Variants in PPP2R3A observed in about 807,000 individuals in gnomAD.
PPP2R3A encodes the protein protein phosphatase 2 regulatory subunit B''alpha.
A neutral mutation model predicts 106.9 loss-of-function variants in PPP2R3A; 80 were observed. The ratio of observed to expected loss-of-function variants is 0.75; its 90% CI spans 0.62 to 0.90. The LOEUF (loss-of-function observed/expected upper bound fraction) is 0.90. PPP2R3A is among the 40% of genes least tolerant of loss of function. The pLI, the probability that PPP2R3A is intolerant of heterozygous loss-of-function variation, is 0.00. For missense variants in PPP2R3A, 1,386 were observed against 1,350.4 expected, an observed-to-expected ratio of 1.03 and a Z score of -0.41; for synonymous variants, 483 against 468.3, an observed-to-expected ratio of 1.03 and a Z score of -0.41.
In PPP2R3A at chr3:135,989,692, C is replaced by T. The variant is rs141342692; in HGVS notation, c.-440-11367C>T. Among the ~76,000 whole-genome samples the T allele has an allele frequency of 9.7e-4, 147 of 152,214 alleles. 2 individuals are homozygous for T. The East Asian group carries it at 0.028, about 29-fold the overall frequency. On this transcript the variant is annotated intron_variant, in intron 1 of 13. Transcript: ENST00000264977. ...TTCTCATTTGCTTGTTGCTTGCTTCCTTTCTGTACCTTACTTACCATACAG... is the reference window on the plus strand; with the variant it reads ...TTCTCATTTGCTTGTTGCTTGCTTCTTTTCTGTACCTTACTTACCATACAG...
chr3:136,064,033 A>T (rs1311311384), intron 5 of PPP2R3A, among the ~76,000 whole-genome samples: 3 of 151,752 alleles, frequency 2.0e-5, no homozygotes, highest in Admixed American at 2.0e-4. Flanking sequence ...TCCAGCAACG[A>T]TAGACTGGAT....
At chr3:136,017,913 T>G (rs1934334621) in intron 2 of PPP2R3A, among the ~76,000 whole-genome samples, 1 of 152,226 alleles carries the variant, frequency 6.6e-6, no homozygotes, top group Admixed American at 6.5e-5. Flanking sequence ...TGCTATCATC[T>G]CAGTCTCCAT....
At chr3:136,054,253 C>CTTTT (rs35801926) in intron 5 of PPP2R3A, among the ~76,000 whole-genome samples, 93 of 80,700 alleles carry the variant, frequency 1.2e-3, no homozygotes, top group African/African-American at 1.5e-3. Flanking sequence ...CTTCACAATT[C>CTTTT]TTTTTTTTTT....
At chr3:136,069,942 G>T (rs947794157) in intron 5 of PPP2R3A, among the ~76,000 whole-genome samples, 1 of 152,180 alleles carries the variant, frequency 6.6e-6, no homozygotes, top group African/African-American at 2.4e-5. Flanking sequence ...TGTGAGAAAT[G>T]ATTTATCCAC....
chr3:135,971,589 A>C (rs555097391), intron 1 of PPP2R3A, among the ~76,000 whole-genome samples: 1 of 152,190 alleles, frequency 6.6e-6, no homozygotes, highest in Non-Finnish European at 1.5e-5. Flanking sequence ...TACTCTTGAA[A>C]ACAGGAATAT....
Position 136,102,019 on chromosome 3 carries a change from G to T in PPP2R3A, c.2940G>T (p.Trp980Cys). ...DKRNPTSIEY[W>C]FRCMDVDGDG... ...CCTTATCATCTAGCATTGAGTATTG[G>T]TTCCGCTGCATGGATGTGGATGGAG... is the stretch of plus-strand genomic sequence containing the variant. The change falls in exon 11 of 14, where the codon TGG (tryptophan) becomes TGT (cysteine). Residue 980 changes from tryptophan (W) to cysteine (C), a missense_variant. Trp to Cys is a radical substitution (Grantham distance 215, BLOSUM62 -2). Transcript: ENST00000264977. The T allele has an allele frequency of 6.2e-7, 1 of 1,613,660 alleles. No homozygotes were observed. The highest frequency in any genetic ancestry group is 1.3e-5 in the African/African-American group (1 of 75,014).
chr3:136,126,170 G>A (rs1274756072), intron 13 of PPP2R3A, among the ~76,000 whole-genome samples: 1 of 152,084 alleles, frequency 6.6e-6, no homozygotes, highest in African/African-American at 2.4e-5. Flanking sequence ...CAGAGGGCAA[G>A]CACCTCACCC....
chr3:136,094,285 A>G (rs146301923), intron 10 of PPP2R3A, among the ~76,000 whole-genome samples: 147 of 152,348 alleles, frequency 9.6e-4, no homozygotes, highest in African/African-American at 3.4e-3. Context: ...AAGTGTCCCT[A>G]TATTAATTGT....
chr3:136,016,617 T>C (rs1934278092), intron 2 of PPP2R3A, among the ~76,000 whole-genome samples: 1 of 152,158 alleles, frequency 6.6e-6, no homozygotes, highest in Non-Finnish European at 1.5e-5. Context: ...TTTTATCTGA[T>C]ATAAGAATAG....
rs67116006 is a variant in PPP2R3A, at chr3:136,041,238, G to GTTTTTTTTTTTTTT, written c.2366+287_2366+288insTTTTTTTTTTTTTT. The stretch of plus-strand genomic sequence containing the variant: ...TTATTAGTTTTACTTGGTTTTTCTT[G>GTTTTTTTTTTTTTT]TTTTTTTTTTTGTTTTTTTTTTTGT... On this transcript the variant is annotated intron_variant, in intron 4 of 13. Coordinates refer to ENST00000264977, the MANE Select transcript of PPP2R3A (RefSeq NM_002718.5). Among the ~76,000 whole-genome samples the GTTTTTTTTTTTTTT allele has an allele frequency of 5.4e-4, 50 of 92,860 alleles. 2 individuals carry two copies. The highest frequency in any genetic ancestry group is 9.5e-4 in the African/African-American group (21 of 22,192). The allele number at this position is 92,860 out of a possible 152,430, so 60.9% of individuals were successfully genotyped here.
intron 5 of PPP2R3A, among the ~76,000 whole-genome samples, chr3:136,067,775 C>T (rs1936305439): frequency 6.6e-6 from 1 of 152,224 alleles, no homozygotes; most frequent in Non-Finnish European, 1.5e-5. Context: ...GCACCTTTCA[C>T]ACCCAGATTT....
chr3:136,010,444 T>TTG (rs1934022669), intron 2 of PPP2R3A, among the ~76,000 whole-genome samples: 1 of 137,732 alleles, frequency 7.3e-6, no homozygotes, highest in Non-Finnish European at 1.6e-5. Context: ...TTTTTTTTTT[T>TTG]GAGACGGAGT....
chr3:136,136,639 G>GT, intron 13 of PPP2R3A, among the ~76,000 whole-genome samples: 1 of 152,178 alleles, frequency 6.6e-6, no homozygotes, highest in Admixed American at 6.5e-5. Context: ...CTGGCAAACT[G>GT]TTACGTAGGA....
intron 5 of PPP2R3A, among the ~76,000 whole-genome samples, chr3:136,063,240 C>T (rs1444436353): frequency 6.6e-6 from 1 of 152,160 alleles, no homozygotes; most frequent in Non-Finnish European, 1.5e-5. Context: ...GAAACTGGAT[C>T]CCTTCCTTAC....
chr3:135,982,852 C>G (rs1937556935), intron 1 of PPP2R3A, among the ~76,000 whole-genome samples: 1 of 152,096 alleles, frequency 6.6e-6, no homozygotes, highest in Non-Finnish European at 1.5e-5. Context: ...GCCACAGAAC[C>G]CCACTAGAGG....
chr3:136,140,396 A>C (rs539270660), intron 13 of PPP2R3A, among the ~76,000 whole-genome samples: 1 of 150,680 alleles, frequency 6.6e-6, no homozygotes, highest in South Asian at 2.1e-4. Context: ...TTTGAGGCTA[A>C]GATCATGCCA....
At chr3:136,039,150 C>A (rs1454994328) in intron 3 of PPP2R3A, among the ~76,000 whole-genome samples, 1 of 152,180 alleles carries the variant, frequency 6.6e-6, no homozygotes. Flanking sequence ...ACTGAAGTCT[C>A]ACACCAGGAG....
chr3:136,058,780 T>A (rs1317078797), intron 5 of PPP2R3A, among the ~76,000 whole-genome samples: 2 of 152,074 alleles, frequency 1.3e-5, no homozygotes, highest in African/African-American at 2.4e-5. Flanking sequence ...CACAGTGTGG[T>A]ACCAGTACAA....
chr3:136,063,436 G>T (rs949923906), intron 5 of PPP2R3A, among the ~76,000 whole-genome samples: 6 of 152,138 alleles, frequency 3.9e-5, no homozygotes, highest in African/African-American at 1.2e-4. Flanking sequence ...TCTTTTTAAA[G>T]TAAAGAGCTT....
Sources: allele counts gnomAD v4.1 joint callset (sites outside exome capture counted in the v4.1 genomes callset), GRCh38; gene constraint gnomAD v4.1.1; transcripts MANE v1.5; gene names NCBI Gene and HGNC (gene_info 2026-07-23, HGNC 2026-07-21).